The following CD163L1 variants were observed in gnomAD, a reference collection of about 807,000 sequenced individuals.
CD163L1 encodes the protein scavenger receptor cysteine-rich type 1 protein M160.
A neutral mutation model predicts 165.4 loss-of-function variants in CD163L1; 124 were observed. The ratio of observed to expected loss-of-function variants is 0.75; its 90% CI spans 0.65 to 0.87. The LOEUF (loss-of-function observed/expected upper bound fraction) is 0.87, where lower values mean the gene tolerates loss of function less well. CD163L1 is among the 40% of genes least tolerant of loss of function. The pLI is 0.00. For synonymous variants in CD163L1, 585 were observed against 662.2 expected (o/e 0.88, Z 1.79); for missense variants, 1,525 against 1,799.9 (o/e 0.85, Z 2.76).
At chr12:7,426,880 G>C (rs960406648) in intron 4 of CD163L1, among the ~76,000 whole-genome samples, 1 of 152,026 alleles carries the variant, frequency 6.6e-6, no homozygotes, top group African/African-American at 2.4e-5. Flanking sequence ...CATGTAAATG[G>C]CAACCAAAAG....
At chr12:7,393,308 C>A (rs771071568) in intron 8 of CD163L1, among the ~76,000 whole-genome samples, 25 of 152,170 alleles carry the variant, frequency 1.6e-4, no homozygotes, top group African/African-American at 4.6e-4. Context: ...ATAAACAGAA[C>A]GAATGACAAA....
At chr12:7,405,099 A>G (rs879318750) in intron 5 of CD163L1, among the ~76,000 whole-genome samples, 2 of 152,146 alleles carry the variant, frequency 1.3e-5, no homozygotes, top group Admixed American at 6.6e-5. Flanking sequence ...TTATTTTCAC[A>G]TCTGCATCAT....
chr12:7,329,047 T>C, the CD163L1 span, among the ~76,000 whole-genome samples: 1 of 148,308 alleles, frequency 6.7e-6, no homozygotes, highest in African/African-American at 2.4e-5. Context: ...TGTATCTGTA[T>C]ATATACATAT....
chr12:7,408,469 AT>A (rs907693474), intron 4 of CD163L1, among the ~76,000 whole-genome samples: 15 of 152,072 alleles, frequency 9.9e-5, no homozygotes, highest in African/African-American at 3.6e-4. Flanking sequence ...CCACTTTTGT[AT>A]TTTTATCGAT....
intron 18 of CD163L1, among the ~76,000 whole-genome samples, chr12:7,364,809 T>C (rs1946978434): frequency 6.6e-6 from 1 of 152,020 alleles, no homozygotes; most frequent in African/African-American, 2.4e-5. Context: ...AAGAAGTATA[T>C]TTCATGCTCA....
intron 4 of CD163L1, among the ~76,000 whole-genome samples, chr12:7,425,986 G>A (rs1373064982): frequency 6.6e-6 from 1 of 152,066 alleles, no homozygotes. Context: ...AAAAACATAT[G>A]CACACATATG....
chr12:7,373,297 C>T (rs1038428895), intron 14 of CD163L1, 23 bp downstream of exon 14: 65 of 1,566,732 alleles, frequency 4.1e-5, no homozygotes, highest in Middle Eastern at 3.4e-4. Context: ...TCAGTGACAG[C>T]TGGTGTTTAG....
At chr12:7,412,650 A>G (rs1948158656) in intron 4 of CD163L1, among the ~76,000 whole-genome samples, 1 of 152,182 alleles carries the variant, frequency 6.6e-6, no homozygotes, top group Non-Finnish European at 1.5e-5. Flanking sequence ...AGGAAAAAAA[A>G]AATGTGTATT....
rs1302174362 is a variant in CD163L1, at chr12:7,421,035, ACG to A, written c.766+11379_766+11380del. 5.6e-3 allele frequency among the ~76,000 whole-genome samples: 612 copies of A among 108,470 alleles called. 13 individuals are homozygous for A. The highest frequency in any genetic ancestry group is 0.029 in the African/African-American group (536 of 18,530). The allele number at this position is 108,470 out of a possible 152,430, so 71.2% of individuals were successfully genotyped here. The stretch of plus-strand genomic sequence containing the variant: ...CGTGTATATATATACATATATATAT[ACG>A]TGTATATATATGTATATACGTATAT... On this transcript the variant is annotated intron_variant, in intron 4 of 19. Coordinates refer to ENST00000313599, the MANE Select transcript of CD163L1 (RefSeq NM_174941.6).
intron 9 of CD163L1, among the ~76,000 whole-genome samples, 164 bp downstream of exon 9, chr12:7,378,814 T>C (rs1565782812): frequency 6.6e-6 from 1 of 152,234 alleles, no homozygotes; most frequent in Non-Finnish European, 1.5e-5. Flanking sequence ...TTTAATTATA[T>C]ATTTTTATTA....
chr12:7,335,367 AC>A, the CD163L1 span, among the ~76,000 whole-genome samples: 1 of 152,222 alleles, frequency 6.6e-6, no homozygotes, highest in Non-Finnish European at 1.5e-5. Context: ...TCTTTGACAA[AC>A]CTGACAAAAA....
At chr12:7,387,484 T>G (rs1947543565) in intron 8 of CD163L1, among the ~76,000 whole-genome samples, 1 of 152,238 alleles carries the variant, frequency 6.6e-6, no homozygotes, top group Non-Finnish European at 1.5e-5. Flanking sequence ...TGAGGTCTAA[T>G]GGGCAGTGTT....
chr12:7,347,415 C>T lies in CD163L1; in HGVS notation c.*25-268G>A, dbSNP rs771060993. Among the ~76,000 whole-genome samples the T allele has an allele frequency of 9.2e-5, 14 of 152,250 alleles. No homozygotes were observed. Among genetic ancestry groups the T allele is most frequent in the Admixed American group, 2.0e-4 (3 of 15,294 alleles). ...TAAAAGTTAGCCTAATAGTTTTCTT[C>T]ATTGACAATGGGTGGTTACTTTCCT... is the stretch of plus-strand genomic sequence containing the variant. On this transcript the variant is annotated intron_variant, in intron 4 of 4. Coordinates refer to the CD163L1 transcript ENST00000539726. The surrounding 1 kb of genome is among the most constrained non-coding windows in gnomAD (Gnocchi z 4.2).
intron 4 of CD163L1, among the ~76,000 whole-genome samples, chr12:7,422,727 GAATA>G (rs1948462428): frequency 7.1e-6 from 1 of 140,656 alleles, no homozygotes; most frequent in Non-Finnish European, 1.5e-5. Flanking sequence ...ATATGTATAT[GAATA>G]TATATAAATA....
In CD163L1 at chr12:7,369,602, C is replaced by A; in HGVS notation, c.3794G>T (p.Gly1265Val). 1 of 1,613,990 alleles carries A rather than the reference C, an allele frequency of 6.2e-7. No homozygotes were observed. The part of the protein sequence containing the change: ...CSGRVEIWHA[G>V]SWGTVCDDSW... Reference sequence around the variant, plus strand: ...GTCATCACACACTGTGCCCCAGGAGCCTGCGTGCCAGATCTCCACTCTCCC... The same window carrying A: ...GTCATCACACACTGTGCCCCAGGAGACTGCGTGCCAGATCTCCACTCTCCC... The change falls in exon 15 of 20, where the codon GGC (glycine) becomes GTC (valine). Residue 1265 changes from glycine to valine, a missense_variant. Transcript: ENST00000313599. The surrounding 1 kb of genome is among the most constrained non-coding windows in gnomAD (Gnocchi z 4.9).
chr12:7,337,014 C>T, the CD163L1 span, among the ~76,000 whole-genome samples: 7 of 152,084 alleles, frequency 4.6e-5, no homozygotes, highest in Admixed American at 1.3e-4. Context: ...AGAAATAACA[C>T]CACACATCGA....
the CD163L1 span, among the ~76,000 whole-genome samples, chr12:7,337,435 A>G: frequency 6.6e-6 from 1 of 152,232 alleles, no homozygotes; most frequent in Admixed American, 6.5e-5. Context: ...CAAAGGGCCA[A>G]TATCCAGAAT....
At chr12:7,410,543 G>A (rs1323830603) in intron 4 of CD163L1, among the ~76,000 whole-genome samples, 2 of 151,684 alleles carry the variant, frequency 1.3e-5, no homozygotes, top group Non-Finnish European at 2.9e-5. Context: ...GGCAGAGGTT[G>A]CAGTGAGCTG....
chr12:7,436,433 A>T (rs1213394276), intron 2 of CD163L1, among the ~76,000 whole-genome samples: 1 of 152,214 alleles, frequency 6.6e-6, no homozygotes, highest in Non-Finnish European at 1.5e-5. Context: ...GCATTCAATT[A>T]AAATAATCAT....
Sources: gnomAD v4.1 joint callset for allele counts (sites outside exome capture counted in the v4.1 genomes callset) on GRCh38, gnomAD v4.1.1 for gene constraint, Gnocchi (gnomAD v3.1) non-coding constraint, MANE v1.5 for transcripts, NCBI Gene and HGNC (gene_info 2026-07-23, HGNC 2026-07-21) for gene names.